Variants in UNC79 observed in about 807,000 individuals in gnomAD.
UNC79 encodes protein unc-79 homolog.
UNC79 carries 37 observed loss-of-function variants against 283.1 expected under a neutral mutation model. The ratio of observed to expected loss-of-function variants is 0.13; its 90% CI spans 0.10 to 0.17. The LOEUF (loss-of-function observed/expected upper bound fraction) is 0.17, where lower values mean the gene tolerates loss of function less well. UNC79 is among the 10% of genes least tolerant of loss of function. UNC79 has a pLI of 1.00. For synonymous variants in UNC79, 1,107 were observed against 1,200.2 expected, an observed-to-expected ratio of 0.92 and a Z score of 1.61; for missense variants, 2,272 against 3,211.1, an observed-to-expected ratio of 0.71 and a Z score of 7.07.
chr14:93,588,665 C>T (rs1316212576), intron 22 of UNC79, among the ~76,000 whole-genome samples: 2 of 140,056 alleles, frequency 1.4e-5, no homozygotes, highest in African/African-American at 2.7e-5. Context: ...GACGTGAACC[C>T]GGGAGGTGGA....
At chr14:93,606,445 C>T (rs779150472) in intron 26 of UNC79, among the ~76,000 whole-genome samples, 30 of 152,138 alleles carry the variant, frequency 2.0e-4, no homozygotes, top group Non-Finnish European at 4.4e-4. Flanking sequence ...TCCATTTTTG[C>T]ATTATTATTT....
At chr14:93,352,121 G>A (rs79722059) in intron 1 of UNC79, among the ~76,000 whole-genome samples, 1,936 of 152,220 alleles carry the variant, frequency 0.013, 48 homozygotes, top group African/African-American at 0.044. Flanking sequence ...TGAGCACAGT[G>A]GCTAATCAAA....
chr14:93,580,662 A>G (rs1055429303), intron 19 of UNC79, among the ~76,000 whole-genome samples: 1 of 152,232 alleles, frequency 6.6e-6, no homozygotes, highest in Non-Finnish European at 1.5e-5. Context: ...AAGAACTTTT[A>G]TCACAAAGTT....
At chr14:93,590,509 G>A (rs535689636) in intron 22 of UNC79, among the ~76,000 whole-genome samples, 1 of 152,256 alleles carries the variant, frequency 6.6e-6, no homozygotes, top group African/African-American at 2.4e-5. Context: ...TTCAACATGG[G>A]AATACGAGAT....
intron 5 of UNC79, among the ~76,000 whole-genome samples, chr14:93,493,920 T>TC (rs2058884762): frequency 7.5e-6 from 1 of 132,654 alleles, no homozygotes; most frequent in Non-Finnish European, 1.6e-5. Context: ...TTTTTTTTTT[T>TC]GAGATAGAGT....
intron 11 of UNC79, 138 bp downstream of exon 11, chr14:93,532,716 A>T: frequency 1.0e-6 from 1 of 990,914 alleles, no homozygotes; most frequent in African/African-American, 1.6e-5. Context: ...GGTAAAGGAA[A>T]TAATTTAGCA....
chr14:93,388,815 C>A (rs2054828458), intron 1 of UNC79, among the ~76,000 whole-genome samples: 1 of 152,078 alleles, frequency 6.6e-6, no homozygotes, highest in Non-Finnish European at 1.5e-5. Flanking sequence ...GATCTTCTTC[C>A]TTTTTCCTTT....
intron 1 of UNC79, among the ~76,000 whole-genome samples, chr14:93,372,412 A>G (rs1042534687): frequency 6.6e-6 from 1 of 152,340 alleles, no homozygotes. Flanking sequence ...TGACCCAACT[A>G]TATATTGTCT....
Position 93,376,660 on chromosome 14 carries a change from A to G in UNC79, c.-351+43137A>G, listed in dbSNP as rs572104483. Among the ~76,000 whole-genome samples, 12 of 152,268 alleles carry G rather than the reference A, an allele frequency of 7.9e-5. No homozygotes were observed. In the South Asian group the frequency reaches 2.1e-3, roughly 26 times the overall value. On this transcript the variant is annotated intron_variant, in intron 1 of 49. Coordinates refer to the UNC79 transcript ENST00000256339. ...CCAGCAGCATGAGCAGTTAGCTATT[A>G]TAGAAAGCAGAGAAATCATCTGGTT...
At chr14:93,504,504 T>A (rs956539482) in intron 7 of UNC79, among the ~76,000 whole-genome samples, 21 of 152,116 alleles carry the variant, frequency 1.4e-4, no homozygotes, top group Non-Finnish European at 2.2e-4. Context: ...TAGGCTTTTT[T>A]AAGTTGCCCT....
chr14:93,335,911 G>A (rs571061173), intron 1 of UNC79, among the ~76,000 whole-genome samples: 4 of 152,240 alleles, frequency 2.6e-5, no homozygotes, highest in African/African-American at 9.6e-5. Flanking sequence ...GAACTTCTGT[G>A]GCTTTCAACC....
chr14:93,375,604 C>T (rs2054539710), intron 1 of UNC79, among the ~76,000 whole-genome samples: 3 of 152,104 alleles, frequency 2.0e-5, no homozygotes, highest in Non-Finnish European at 4.4e-5. Flanking sequence ...GTGGCTTCTG[C>T]TTCTGGGGAG....
intron 1 of UNC79, among the ~76,000 whole-genome samples, chr14:93,346,986 G>A (rs76717688): frequency 0.073 from 11,073 of 151,750 alleles, 852 homozygotes; most frequent in African/African-American, 0.19. Context: ...TGTGCTGGGT[G>A]GAAGGGGTGG....
intron 5 of UNC79, among the ~76,000 whole-genome samples, chr14:93,494,330 TG>T (rs2058916361): frequency 6.6e-6 from 1 of 152,042 alleles, no homozygotes; most frequent in South Asian, 2.1e-4. Context: ...CCTCCAACAC[TG>T]GGGATTACAA....
chr14:93,707,004 G>A, downstream of UNC79: 1 of 1,365,344 alleles, frequency 7.3e-7, no homozygotes, highest in Non-Finnish European at 1.0e-6. Flanking sequence ...TATTGGTACT[G>A]TACATTCTCT....
At chr14:93,530,723 C>T (rs893440330) in intron 10 of UNC79, among the ~76,000 whole-genome samples, 11 of 152,164 alleles carry the variant, frequency 7.2e-5, no homozygotes, top group Non-Finnish European at 1.5e-5. Context: ...TCCTGGCTAA[C>T]ATGGTGAAAC....
At chr14:93,347,330 G>T (rs747701377) in intron 1 of UNC79, 1 of 1,602,488 alleles carries the variant, frequency 6.2e-7, no homozygotes, top group Non-Finnish European at 8.5e-7. Context: ...GCCCTGCTCG[G>T]CCTGCAGCCC....
chr14:93,444,011 G>C (rs763309306), intron 1 of UNC79, among the ~76,000 whole-genome samples: 2 of 152,140 alleles, frequency 1.3e-5, no homozygotes, highest in Non-Finnish European at 2.9e-5. Context: ...ACCGTTATAA[G>C]GTATTTCTAT....
At chr14:93,389,223 G>A (rs1402078703) in intron 1 of UNC79, among the ~76,000 whole-genome samples, 2 of 152,108 alleles carry the variant, frequency 1.3e-5, no homozygotes, top group Non-Finnish European at 2.9e-5. Flanking sequence ...ATATTGGGGA[G>A]GCCAAAGCAA....
Sources: gnomAD v4.1 joint callset for allele counts (sites outside exome capture counted in the v4.1 genomes callset) on GRCh38, gnomAD v4.1.1 for gene constraint, MANE v1.5 for transcripts, NCBI Gene and HGNC (gene_info 2026-07-23, HGNC 2026-07-21) for gene names.